The following DCDC1 variants were observed in gnomAD, a reference collection of about 807,000 sequenced individuals.
The protein encoded by DCDC1 is doublecortin domain containing 1.
DCDC1 carries 200 observed loss-of-function variants against 178.3 expected under a neutral mutation model. The observed-to-expected ratio is 1.12, with a 90% CI of 1.00 to 1.26. The LOEUF (loss-of-function observed/expected upper bound fraction) is 1.26, where lower values mean the gene tolerates loss of function less well. Among genes scored for constraint, DCDC1 ranks in the 50% most tolerant of loss-of-function variants. The pLI is 0.00. For missense variants in DCDC1, 1,983 were observed against 1,749.2 expected, an observed-to-expected ratio of 1.13 and a Z score of -2.38; for synonymous variants, 690 against 604.8, an observed-to-expected ratio of 1.14 and a Z score of -2.07.
intron 1 of DCDC1, among the ~76,000 whole-genome samples, chr11:31,340,701 A>C (rs1228937570): frequency 6.6e-6 from 1 of 152,182 alleles, no homozygotes; most frequent in Non-Finnish European, 1.5e-5. Flanking sequence ...CCCCTGGGTA[A>C]GAAGGAATTC....
intron 20 of DCDC1, among the ~76,000 whole-genome samples, chr11:31,024,125 ATATC>A (rs1239542177): frequency 1.3e-5 from 2 of 152,044 alleles, no homozygotes; most frequent in African/African-American, 4.8e-5. Flanking sequence ...AATGACCTAA[ATATC>A]TATCTATAGG....
At position 31,159,646 on chromosome 11, in the gene DCDC1, T is replaced by C. The variant is rs145911991; in HGVS notation, c.1222-21862A>G. Among the ~76,000 whole-genome samples the C allele has an allele frequency of 4.1e-3, 620 of 152,348 alleles. 2 individuals carry two copies. Among genetic ancestry groups the C allele is most frequent in the African/African-American group, 0.014 (601 of 41,588 alleles). Reference sequence around the variant, plus strand: ...AGATTGCCAGGGCAATCAAATCTCATGCTTCAAGAAAGAAAATCATCATTT... The same window carrying C: ...AGATTGCCAGGGCAATCAAATCTCACGCTTCAAGAAAGAAAATCATCATTT... On this transcript the variant is annotated intron_variant, in intron 9 of 38. Coordinates refer to ENST00000684477, the MANE Select transcript of DCDC1 (RefSeq NM_001387274.1).
rs182754668 is a variant in DCDC1, at chr11:30,902,001, C to A, written c.4510+1481G>T. 1.3e-5 allele frequency among the ~76,000 whole-genome samples: 2 copies of A among 151,542 alleles called. 1 individual carries two copies. Among genetic ancestry groups the A allele is most frequent in the Admixed American group, 1.3e-4 (2 of 15,200 alleles). ...GACTATTATTCATATTTATGAGGACCAAATGAATATATTAATAATGATCAA... is the reference window on the plus strand; with the variant it reads ...GACTATTATTCATATTTATGAGGACAAAATGAATATATTAATAATGATCAA... On this transcript the variant is annotated intron_variant, in intron 32 of 38. Transcript: ENST00000684477.
chr11:31,154,175 G>A (rs1162022773), intron 9 of DCDC1, among the ~76,000 whole-genome samples: 1 of 152,176 alleles, frequency 6.6e-6, no homozygotes, highest in Non-Finnish European at 1.5e-5. Context: ...CTCCATGATA[G>A]TAAGTTTCCT....
chr11:31,213,120 T>TC (rs1308072361), intron 9 of DCDC1, among the ~76,000 whole-genome samples: 128 of 119,920 alleles, frequency 1.1e-3, no homozygotes, highest in Non-Finnish European at 1.8e-3. Flanking sequence ...TCTCTCTCTC[T>TC]CTCTCTCTCT....
intron 20 of DCDC1, among the ~76,000 whole-genome samples, chr11:31,004,636 C>T (rs944198023): frequency 2.7e-5 from 4 of 146,250 alleles, no homozygotes; most frequent in South Asian, 2.2e-4. Context: ...GAGCCAAGAT[C>T]GCGCCACTGC....
At chr11:31,007,091 A>ATTTTTTTTTTTTTTTTTTTTTT in intron 20 of DCDC1, among the ~76,000 whole-genome samples, 1 of 152,324 alleles carries the variant, frequency 6.6e-6, no homozygotes, top group East Asian at 1.9e-4. Context: ...AGTCCATAAT[A>ATTTTTTTTTTTTTTTTTTTTTT]TTTAAACAAT....
chr11:30,937,400 C>T (rs1947343718), intron 21 of DCDC1, among the ~76,000 whole-genome samples: 1 of 152,162 alleles, frequency 6.6e-6, no homozygotes, highest in African/African-American at 2.4e-5. Context: ...CTGACTCCCC[C>T]AGTCCTCATC....
chr11:31,045,202 A>G (rs1351954283), intron 20 of DCDC1, among the ~76,000 whole-genome samples: 2 of 152,152 alleles, frequency 1.3e-5, no homozygotes, highest in African/African-American at 4.8e-5. Context: ...ACATATGCAC[A>G]CACCTTTTCC....
Position 30,925,336 on chromosome 11 carries a change from G to A in DCDC1, c.2970C>T (p.Ala990=). 1.2e-6 allele frequency: 2 copies of A among 1,613,712 alleles called. No individual in the cohort carries two copies. Among genetic ancestry groups the A allele is most frequent in the Non-Finnish European group, 1.7e-6 (2 of 1,179,764 alleles). Residue 990 remains alanine, a synonymous_variant, in exon 23 of 39, where the codon GCC becomes GCT. Coordinates refer to ENST00000684477, the MANE Select transcript of DCDC1 (RefSeq NM_001387274.1). The part of the protein sequence containing the change: ...LYNEKGKEIF[A]LKDLQRDELV... Reference sequence around the variant, plus strand: ...GTTCATCTCTTTGCAGGTCTTTTAAGGCAAATATTTCCTTCCCCTTTTCAT... The same window carrying A: ...GTTCATCTCTTTGCAGGTCTTTTAAAGCAAATATTTCCTTCCCCTTTTCAT...
intron 8 of DCDC1, among the ~76,000 whole-genome samples, chr11:31,251,797 A>G (rs1279317805): frequency 6.6e-6 from 1 of 152,130 alleles, no homozygotes; most frequent in African/African-American, 2.4e-5. Context: ...TGCCAAGAGG[A>G]TAGGGTGAGA....
chr11:30,989,956 G>A (rs987556282), intron 20 of DCDC1, among the ~76,000 whole-genome samples: 4 of 152,158 alleles, frequency 2.6e-5, no homozygotes, highest in East Asian at 1.9e-4. Flanking sequence ...CTGGTCATGT[G>A]TGCAGGTGTG....
At chr11:31,081,487 G>A (rs992580355) in intron 17 of DCDC1, among the ~76,000 whole-genome samples, 3 of 151,968 alleles carry the variant, frequency 2.0e-5, no homozygotes, top group South Asian at 2.1e-4. Flanking sequence ...GCACATGCCC[G>A]CAATCCCAGC....
chr11:31,346,459 G>A (rs1478284423), intron 1 of DCDC1, among the ~76,000 whole-genome samples: 5 of 89,912 alleles, frequency 5.6e-5, no homozygotes, highest in East Asian at 6.4e-4. Flanking sequence ...AGGAGACTCC[G>A]TCTCAAAAAA....
chr11:30,866,790 T>C (rs1449243592), intron 38 of DCDC1, among the ~76,000 whole-genome samples: 2 of 152,204 alleles, frequency 1.3e-5, no homozygotes, highest in African/African-American at 4.8e-5. Context: ...CTTCCAAAAG[T>C]CATGTTCTGT....
intron 20 of DCDC1, among the ~76,000 whole-genome samples, chr11:31,048,802 C>A (rs891882056): frequency 1.3e-5 from 2 of 151,938 alleles, no homozygotes; most frequent in Non-Finnish European, 2.9e-5. Context: ...GCTTGCAGTC[C>A]GCTGAGATTG....
intron 8 of DCDC1, among the ~76,000 whole-genome samples, chr11:31,256,570 T>C (rs981989766): frequency 1.3e-5 from 2 of 152,122 alleles, no homozygotes; most frequent in African/African-American, 4.8e-5. Context: ...CTGAGTGGCG[T>C]CATGTTTTGA....
chr11:31,241,064 C>T (rs987244372), intron 9 of DCDC1, among the ~76,000 whole-genome samples: 2 of 152,066 alleles, frequency 1.3e-5, no homozygotes, highest in Admixed American at 1.3e-4. Flanking sequence ...TTGTTGTATT[C>T]TAGCCCCCAT....
At chr11:31,005,343 A>G (rs1284364246) in intron 20 of DCDC1, among the ~76,000 whole-genome samples, 1 of 152,140 alleles carries the variant, frequency 6.6e-6, no homozygotes, top group Non-Finnish European at 1.5e-5. Flanking sequence ...CAGATCTTCT[A>G]TGTTGCTTGC....
Sources: allele counts gnomAD v4.1 joint callset (sites outside exome capture counted in the v4.1 genomes callset), GRCh38; gene constraint gnomAD v4.1.1; transcripts MANE v1.5; gene names NCBI Gene and HGNC (gene_info 2026-07-23, HGNC 2026-07-21).